MED11: variants seen among roughly 807,000 people sequenced by gnomAD.
MED11 encodes mediator of RNA polymerase II transcription subunit 11.
In MED11, 19 loss-of-function variants were observed where a neutral mutation model predicts 13.9. The ratio of observed to expected loss-of-function variants is 1.36; its 90% CI spans 0.95 to 2.00. The LOEUF (loss-of-function observed/expected upper bound fraction) is 2.00, where lower values mean the gene tolerates loss of function less well. MED11 is among the 30% of genes most tolerant of loss of function. The pLI, the probability that MED11 is intolerant of heterozygous loss-of-function variation, is 0.00. For synonymous variants in MED11, 67 were observed against 62.1 expected (o/e 1.08, Z -0.37); for missense variants, 134 against 150.2 (o/e 0.89, Z 0.56).
In MED11 at chr17:4,731,590, A is replaced by T; in HGVS notation, c.85+16A>T. ...CAGAATGCAGGTTCGGGATGCGACA[A>T]CCTGGACAGCGGGGAGCGAAAGCGT... On this transcript the variant is annotated intron_variant, in intron 1 of 2. Transcript: ENST00000293777. The T allele has an allele frequency of 6.2e-7, 1 of 1,614,088 alleles. No homozygotes were observed. Among genetic ancestry groups the T allele is most frequent in the South Asian group, 1.1e-5 (1 of 91,080 alleles).
At position 4,733,120 on chromosome 17, in the gene MED11, G is replaced by A. The variant is rs368746632; in HGVS notation, c.287G>A (p.Arg96Gln). 29 of 1,614,042 alleles carry A rather than the reference G, an allele frequency of 1.8e-5. No homozygotes were observed. The African/African-American group carries it at 2.3e-4, about 13-fold the overall frequency. The change falls in exon 3 of 3, where the codon CGA (arginine) becomes CAA (glutamine). Residue 96 changes from arginine (R) to glutamine (Q), a missense_variant. Coordinates refer to ENST00000293777, the MANE Select transcript of MED11 (RefSeq NM_001001683.4). ...SRKDCQMALK[R>Q]VDYARLKLSD... ...AAGGACTGTCAGATGGCTCTGAAGC[G>A]AGTGGACTATGCCCGCCTCAAGCTC...
rs1173065769 is a variant in MED11, at chr17:4,731,623, C to A, written c.85+49C>A. ...AGCGGGGAGCGAAAGCGTGACCGGGCTGCACTGGCAGCCTGACCTGGGACT... is the reference window on the plus strand; with the variant it reads ...AGCGGGGAGCGAAAGCGTGACCGGGATGCACTGGCAGCCTGACCTGGGACT... On this transcript the variant is annotated intron_variant, in intron 1 of 2. Coordinates refer to ENST00000293777, the MANE Select transcript of MED11 (RefSeq NM_001001683.4). 6 of 1,611,446 alleles carry A rather than the reference C, an allele frequency of 3.7e-6. No individual in the cohort carries two copies. In the South Asian group the frequency reaches 5.5e-5, roughly 15 times the overall value.
chr17:4,732,017 G>T (rs781225176), intron 2 of MED11, 111 bp downstream of exon 2: 3 of 1,329,456 alleles, frequency 2.3e-6, no homozygotes, highest in Non-Finnish European at 3.0e-6. Context: ...CTCCCCAGCC[G>T]GCCATCCAGA....
In MED11 at chr17:4,733,155, G is replaced by C. The variant is rs1399758194; in HGVS notation, c.322G>C (p.Ala108Pro). The C allele has an allele frequency of 6.2e-7, 1 of 1,614,190 alleles. No individual in the cohort carries two copies. The highest frequency in any genetic ancestry group is 8.5e-7 in the Non-Finnish European group (1 of 1,180,026). ...TGCCCGCCTCAAGCTCAGTGATGTG[G>C]CTCGAACCTGTGAGCAGATGCTGGA... Reference protein sequence around the residue: ...DYARLKLSDVARTCEQMLEN With the variant: ...DYARLKLSDVPRTCEQMLEN The change falls in exon 3 of 3, where the codon GCT becomes CCT. Residue 108 changes from alanine (A) to proline (P), a missense_variant. Transcript: ENST00000293777.
intron 2 of MED11, 135 bp from the exon 3 acceptor site, chr17:4,732,915 A>C (rs756950888): frequency 3.9e-5 from 38 of 981,434 alleles, no homozygotes; most frequent in Non-Finnish European, 5.7e-5. Flanking sequence ...AGATTAACAT[A>C]AGTTAAATGA....
chr17:4,732,907 A>T (rs756063437), intron 2 of MED11, 143 bp from the exon 3 acceptor site: 3 of 936,706 alleles, frequency 3.2e-6, no homozygotes, highest in Admixed American at 2.7e-5. Flanking sequence ...TACAGACAAG[A>T]TTAACATAAG....
In MED11 at chr17:4,731,546, G is replaced by A. The variant is rs749100116; in HGVS notation, c.57G>A (p.Arg19=). Residue 19 remains arginine (R), a synonymous_variant, in exon 1 of 3, where the codon CGG becomes CGA. Coordinates refer to ENST00000293777, the MANE Select transcript of MED11 (RefSeq NM_001001683.4). ...TACGCGCTCTGGAAGACATTGAACG[G>A]GAAATCGGCGCCATCCTTCAGAATG... is the stretch of plus-strand genomic sequence containing the variant. ...ERLRALEDIE[R]EIGAILQNAG... 50 of 1,614,070 alleles carry A rather than the reference G, an allele frequency of 3.1e-5. No individual in the cohort carries two copies. The highest frequency in any genetic ancestry group is 8.3e-5 in the Admixed American group (5 of 60,014).
chr17:4,732,005 A>T, intron 2 of MED11, 99 bp downstream of exon 2: 1 of 1,401,566 alleles, frequency 7.1e-7, no homozygotes. Flanking sequence ...GCAGGACCAG[A>T]CCTCCCCAGC....
At chr17:4,733,019 G>A in intron 2 of MED11, 31 bp from the exon 3 acceptor site, 1 of 1,611,938 alleles carries the variant, frequency 6.2e-7, no homozygotes, top group Non-Finnish European at 8.5e-7. Context: ...GGGTAAAGGA[G>A]ATGGTGCTCC....
chr17:4,732,033 T>G (rs1314871379), intron 2 of MED11, 127 bp downstream of exon 2: 2 of 1,176,408 alleles, frequency 1.7e-6, no homozygotes, highest in African/African-American at 1.6e-5. Flanking sequence ...CCAGAGCGGG[T>G]TTCTTCCTCT....
At chr17:4,732,732 G>A (rs1427492347) in intron 2 of MED11, among the ~76,000 whole-genome samples, 2 of 152,242 alleles carry the variant, frequency 1.3e-5, no homozygotes, top group East Asian at 1.9e-4. Context: ...TCCAGGCCAC[G>A]AGGTCCCAAA....
At chr17:4,731,658 G>A in intron 1 of MED11, 84 bp downstream of exon 1, 2 of 1,608,526 alleles carry the variant, frequency 1.2e-6, no homozygotes, top group Non-Finnish European at 8.5e-7. Context: ...TTGGAGCAGG[G>A]TTGGGGAGGG....
chr17:4,733,254 C>T lies in MED11; in HGVS notation c.*67C>T. On this transcript the variant is annotated 3_prime_UTR_variant, in exon 3 of 3. Coordinates refer to ENST00000293777, the MANE Select transcript of MED11 (RefSeq NM_001001683.4). ...TGTGCCATGGGACAGAACCTGGGAA[C>T]ATGTAGGGTGGGGAGTATGAGCACC... 3 of 1,592,168 alleles carry T rather than the reference C, an allele frequency of 1.9e-6. No individual in the cohort carries two copies. The highest frequency in any genetic ancestry group is 2.3e-5 in the South Asian group (2 of 88,830).
In MED11 at chr17:4,733,078, C is replaced by G. The variant is rs769735701; in HGVS notation, c.245C>G (p.Ser82Cys). The part of the protein sequence containing the change: ...QVATGQPHEG[S>C]SYSSRKDCQM... Reference sequence around the variant, plus strand: ...GCCACAGGGCAGCCCCATGAGGGCTCCAGCTACTCTTCGAGGAAGGACTGT... The same window carrying G: ...GCCACAGGGCAGCCCCATGAGGGCTGCAGCTACTCTTCGAGGAAGGACTGT... Residue 82 changes from serine to cysteine, a missense_variant, in exon 3 of 3, where the codon TCC becomes TGC. Physicochemically the swap from Ser to Cys is moderately radical, Grantham distance 112. Coordinates refer to ENST00000293777, the MANE Select transcript of MED11 (RefSeq NM_001001683.4). 5.6e-6 allele frequency: 9 copies of G among 1,614,032 alleles called. No homozygotes were observed. The East Asian group carries it at 1.8e-4, about 32-fold the overall frequency.
Position 4,733,287 on chromosome 17 carries a change from C to T in MED11, c.*100C>T, listed in dbSNP as rs113854154. 7,849 of 1,427,790 alleles carry T rather than the reference C, an allele frequency of 5.5e-3. 253 individuals carry two copies. In the African/African-American group the frequency reaches 0.078, roughly 14 times the overall value. 88.4% of individuals were successfully genotyped at this position (1,427,790 alleles called of 1,614,324 possible). ...GTGGGGAGTATGAGCACCAACATAC[C>T]CTGCTGGTCAAAGTACCCTAGGACA... On this transcript the variant is annotated 3_prime_UTR_variant, in exon 3 of 3. Coordinates refer to ENST00000293777, the MANE Select transcript of MED11 (RefSeq NM_001001683.4).
Position 4,733,271 on chromosome 17 carries a change from A to G in MED11, c.*84A>G. On this transcript the variant is annotated 3_prime_UTR_variant, in exon 3 of 3. Transcript: ENST00000293777. ...CCTGGGAACATGTAGGGTGGGGAGT[A>G]TGAGCACCAACATACCCTGCTGGTC... 4.6e-6 allele frequency: 7 copies of G among 1,524,850 alleles called. No homozygotes were observed. The highest frequency in any genetic ancestry group is 6.3e-6 in the Non-Finnish European group (7 of 1,119,858). The allele number at this position is 1,524,850 out of a possible 1,614,324, so 94.5% of individuals were successfully genotyped here.
Sources: gnomAD v4.1 joint callset for allele counts (sites outside exome capture counted in the v4.1 genomes callset) on GRCh38, gnomAD v4.1.1 for gene constraint, MANE v1.5 for transcripts, NCBI Gene and HGNC (gene_info 2026-07-23, HGNC 2026-07-21) for gene names.